Variants in ZSWIM9 observed in about 807,000 individuals in gnomAD.
ZSWIM9 encodes zinc finger SWIM-type containing 9, also known as uncharacterized protein ZSWIM9.
Under a neutral mutation model 25.0 loss-of-function variants are expected in ZSWIM9, and 11 were observed. The observed-to-expected ratio is 0.44, with a 90% CI of 0.28 to 0.73. The LOEUF (loss-of-function observed/expected upper bound fraction) is 0.73, where lower values mean the gene tolerates loss of function less well. ZSWIM9 is among the 30% of genes least tolerant of loss of function. The pLI is 0.16. For missense variants in ZSWIM9, 1,070 were observed against 1,296.5 expected, an observed-to-expected ratio of 0.83 and a Z score of 2.68; for synonymous variants, 562 against 582.1, an observed-to-expected ratio of 0.97 and a Z score of 0.50.
At chr19:48,190,243 A>G (rs2037078394) in intron 3 of ZSWIM9, among the ~76,000 whole-genome samples, 1 of 152,080 alleles carries the variant, frequency 6.6e-6, no homozygotes, top group Admixed American at 6.6e-5. Flanking sequence ...AATAGTCCCA[A>G]CATACTAAAC....
At chr19:48,192,796 A>G (rs750085440) in intron 3 of ZSWIM9, among the ~76,000 whole-genome samples, 21 of 152,028 alleles carry the variant, frequency 1.4e-4, no homozygotes, top group Non-Finnish European at 2.6e-4. Context: ...TTACAGCAAA[A>G]GGATACAGAG....
rs968351498 is a variant in ZSWIM9, at chr19:48,197,443, A to G, written c.*616A>G. 1.4e-4 allele frequency: 87 copies of G among 608,962 alleles called. No homozygotes were observed. Among genetic ancestry groups the G allele is most frequent in the Non-Finnish European group, 2.3e-4 (80 of 341,762 alleles). 37.7% of individuals were successfully genotyped at this position (608,962 alleles called of 1,614,324 possible). On this transcript the variant is annotated 3_prime_UTR_variant, in exon 4 of 4. Transcript: ENST00000614654. ...AAAGAAATGTGTGGGAGACGGGTAGAGACGAAATGCAAGGGGCGTGGTTTT... is the reference window on the plus strand; with the variant it reads ...AAAGAAATGTGTGGGAGACGGGTAGGGACGAAATGCAAGGGGCGTGGTTTT...
intron 2 of ZSWIM9, among the ~76,000 whole-genome samples, chr19:48,178,283 G>A (rs1275938345): frequency 2.0e-5 from 3 of 152,242 alleles, no homozygotes; most frequent in Admixed American, 6.5e-5. Flanking sequence ...TCTTCACCTC[G>A]TGCATGTAGG....
chr19:48,195,816 C>A lies in ZSWIM9; in HGVS notation c.1752C>A (p.Asp584Glu). The change falls in exon 4 of 4, where the codon GAC becomes GAA. Residue 584 changes from aspartate to glutamate, a missense_variant. Transcript: ENST00000614654. This position sits in a 1 kb window ranked among gnomAD's most constrained non-coding sequence, Gnocchi z 5.8. ...TCTGGAGGGGGTCCCAGTTGGAGGA[C>A]CAGGCGCTAAGAGGATTGGAAGGGT... is the stretch of plus-strand genomic sequence containing the variant. The part of the protein sequence containing the change: ...GYVWRGSQLE[D>E]QALRGLEGYT... 1.3e-6 allele frequency: 2 copies of A among 1,490,472 alleles called. No homozygotes were observed. The highest frequency in any genetic ancestry group is 1.8e-6 in the Non-Finnish European group (2 of 1,127,110). The allele number at this position is 1,490,472 out of a possible 1,614,324, so 92.3% of individuals were successfully genotyped here. A position where few individuals can be genotyped will look rare whatever the true frequency, so the allele number is the denominator to read the frequency against.
At chr19:48,176,901 T>C (rs1374936475) in intron 2 of ZSWIM9, among the ~76,000 whole-genome samples, 1 of 150,182 alleles carries the variant, frequency 6.7e-6, no homozygotes, top group Non-Finnish European at 1.5e-5. Flanking sequence ...CCGTCTCTAC[T>C]AAAATAAAAA....
At chr19:48,175,960 CT>C (rs1391370052) in intron 2 of ZSWIM9, among the ~76,000 whole-genome samples, 2 of 152,204 alleles carry the variant, frequency 1.3e-5, no homozygotes, top group Non-Finnish European at 2.9e-5. Flanking sequence ...AATCCCAACA[CT>C]TTGGGAGGCC....
chr19:48,175,532 T>A (rs752857742), intron 2 of ZSWIM9, among the ~76,000 whole-genome samples: 7 of 151,750 alleles, frequency 4.6e-5, no homozygotes, highest in Non-Finnish European at 1.0e-4. Flanking sequence ...CAGGGCTGAG[T>A]ACAGGAGTTG....
rs1226422107 is a variant in ZSWIM9, at chr19:48,196,157, A to G, written c.2093A>G (p.Glu698Gly). 4.9e-6 allele frequency: 6 copies of G among 1,237,020 alleles called. No individual in the cohort carries two copies. The African/African-American group carries it at 9.3e-5, about 19-fold the overall frequency. The allele number at this position is 1,237,020 out of a possible 1,614,324, so 76.6% of individuals were successfully genotyped here. ...AGGAGGAGAGGGCCAGAGATTGCAG[A>G]GGAGAGGGGAGCGAGGGTGGGGGTC... ...DERRRGPEIA[E>G]ERGARVGVKR... The change falls in exon 4 of 4, where the codon GAG becomes GGG. Residue 698 changes from glutamate to glycine, a missense_variant. Around this residue, in one of 4 missense-constraint regions of ZSWIM9, gnomAD observed 583 missense variants for 624.7 expected, o/e 0.93. Transcript: ENST00000614654.
intron 2 of ZSWIM9, among the ~76,000 whole-genome samples, chr19:48,173,300 T>G (rs1165941581): frequency 6.6e-6 from 1 of 152,096 alleles, no homozygotes; most frequent in African/African-American, 2.4e-5. Context: ...TGTATTTTAT[T>G]TAGTCTTTAT....
In ZSWIM9 at chr19:48,197,281, A is replaced by G. The variant is rs1358226286; in HGVS notation, c.*454A>G. The G allele has an allele frequency of 2.8e-6, 2 of 702,714 alleles. No homozygotes were observed. The highest frequency in any genetic ancestry group is 5.2e-6 in the Non-Finnish European group (2 of 384,940). The allele number at this position is 702,714 out of a possible 1,614,324, so 43.5% of individuals were successfully genotyped here. The stretch of plus-strand genomic sequence containing the variant: ...ATGAAGGAGAGGAGGTAAGCGAGAA[A>G]AAATGGAAAGGGGAGCCGGAAATGG... On this transcript the variant is annotated 3_prime_UTR_variant, in exon 4 of 4. Coordinates refer to ENST00000614654, the MANE Select transcript of ZSWIM9 (RefSeq NM_199341.4).
intron 2 of ZSWIM9, among the ~76,000 whole-genome samples, chr19:48,176,940 C>T (rs1015637537): frequency 4.6e-5 from 7 of 151,522 alleles, no homozygotes; most frequent in East Asian, 3.9e-4. Context: ...CTGGGTGTGG[C>T]GGCGTGTACC....
At chr19:48,183,355 C>A (rs1031806325) in intron 3 of ZSWIM9, among the ~76,000 whole-genome samples, 1 of 152,050 alleles carries the variant, frequency 6.6e-6, no homozygotes, top group South Asian at 2.1e-4. Context: ...TCTCGATCTC[C>A]TGACCTTGTG....
chr19:48,191,079 A>G (rs1443480083), intron 3 of ZSWIM9, among the ~76,000 whole-genome samples: 4 of 114,258 alleles, frequency 3.5e-5, no homozygotes, highest in Non-Finnish European at 7.3e-5. Flanking sequence ...GAGAAAGTGC[A>G]GTGTGTATGT....
intron 2 of ZSWIM9, among the ~76,000 whole-genome samples, chr19:48,175,970 C>T (rs1172540803): frequency 6.6e-6 from 1 of 152,202 alleles, no homozygotes; most frequent in African/African-American, 2.4e-5. Flanking sequence ...CTTTGGGAGG[C>T]CGAGGCGGGC....
Position 48,196,680 on chromosome 19 carries a change from T to TG in ZSWIM9, c.2620dup (p.Ala874GlyfsTer71). 1 of 1,232,846 alleles carries TG rather than the reference T, an allele frequency of 8.1e-7. No individual in the cohort carries two copies. The highest frequency in any genetic ancestry group is 1.0e-6 in the Non-Finnish European group (1 of 988,558). 76.4% of individuals were successfully genotyped at this position (1,232,846 alleles called of 1,614,324 possible). A position where few individuals can be genotyped will look rare whatever the true frequency, so the allele number is the denominator to read the frequency against. ...ACGGCACCTCGGACTTCTTCCTGGA[T>TG]GGGGCCCTGACACGCTGCAGCTGCT... On this transcript the variant is annotated frameshift_variant, in exon 4 of 4. Coordinates refer to ENST00000614654, the MANE Select transcript of ZSWIM9 (RefSeq NM_199341.4). LOFTEE classifies it high-confidence loss of function.
At chr19:48,189,345 G>C (rs1350085557) in intron 3 of ZSWIM9, 1 of 152,172 alleles carries the variant, frequency 6.6e-6, no homozygotes, top group African/African-American at 2.4e-5. Context: ...GAGGCGGGCA[G>C]ATCACAAGGT....
At chr19:48,192,050 G>A (rs1159632699) in intron 3 of ZSWIM9, 1 of 154,652 alleles carries the variant, frequency 6.5e-6, no homozygotes, top group Non-Finnish European at 1.5e-5. Flanking sequence ...AAGATTAGCT[G>A]TTGGAACTGT....
intron 2 of ZSWIM9, among the ~76,000 whole-genome samples, chr19:48,176,495 C>G (rs1253056850): frequency 6.6e-6 from 1 of 152,122 alleles, no homozygotes; most frequent in East Asian, 1.9e-4. Context: ...GGTCTGGACC[C>G]TCATTCTGGT....
chr19:48,187,985 T>TAGATAGATAGATAGAC (rs1555787428), intron 3 of ZSWIM9, among the ~76,000 whole-genome samples: 2 of 146,274 alleles, frequency 1.4e-5, no homozygotes, highest in South Asian at 2.1e-4. Flanking sequence ...GATAGATAGA[T>TAGATAGATAGATAGAC]AGACAGACAG....
Sources: gnomAD v4.1 joint callset for allele counts (sites outside exome capture counted in the v4.1 genomes callset) on GRCh38, gnomAD v4.1.1 for gene constraint, gnomAD v4.1.1 regional missense constraint, Gnocchi (gnomAD v3.1) non-coding constraint, MANE v1.5 for transcripts, NCBI Gene and HGNC (gene_info 2026-07-23, HGNC 2026-07-21) for gene names.